Variants in SLC12A7 observed in about 807,000 individuals in gnomAD.
SLC12A7 encodes the protein K-Cl cotransporter 4.
A neutral mutation model predicts 120.6 loss-of-function variants in SLC12A7; 100 were observed. The ratio of observed to expected loss-of-function variants is 0.83; its 90% CI spans 0.71 to 0.98. The LOEUF is 0.98. Among genes scored for constraint, SLC12A7 ranks in the 50% least tolerant of loss-of-function variants. The pLI is 0.00. For synonymous variants in SLC12A7, 760 were observed against 678.0 expected, an observed-to-expected ratio of 1.12 and a Z score of -1.88; for missense variants, 1,373 against 1,548.1, an observed-to-expected ratio of 0.89 and a Z score of 1.90.
At chr5:1,154,506 T>C in the SLC12A7 span, among the ~76,000 whole-genome samples, 1 of 151,536 alleles carries the variant, frequency 6.6e-6, no homozygotes, top group Non-Finnish European at 1.5e-5. Flanking sequence ...ACTATAGACA[T>C]ATACACATAC....
the SLC12A7 span, among the ~76,000 whole-genome samples, chr5:1,155,643 C>T: frequency 0.22 from 32,741 of 151,212 alleles, 3,698 homozygotes; most frequent in East Asian, 0.27. Context: ...ACCTGCGCCC[C>T]TCGAGGGGAC....
intron 21 of SLC12A7, among the ~76,000 whole-genome samples, chr5:1,058,290 C>T (rs1561030090): frequency 6.6e-6 from 1 of 152,380 alleles, no homozygotes; most frequent in East Asian, 1.9e-4. Context: ...GCACCAATGG[C>T]GCAGCCCCTG....
rs1399752520 is a variant in SLC12A7, at chr5:1,054,202, T to TGGCC, written c.3027-724_3027-721dup. Among the ~76,000 whole-genome samples the TGGCC allele has an allele frequency of 3.9e-5, 6 of 152,332 alleles. No homozygotes were observed. In the East Asian group the frequency reaches 1.2e-3, roughly 29 times the overall value. On this transcript the variant is annotated intron_variant, in intron 22 of 23. Transcript: ENST00000264930. ...CTAAAGGACAAGCACTTCCACCGTG[T>TGGCC]GGCCGTCCAGCCCCCGCCTTCCGTC... is the stretch of plus-strand genomic sequence containing the variant.
chr5:1,080,356 C>T (rs147956566), intron 9 of SLC12A7, among the ~76,000 whole-genome samples: 1,797 of 152,080 alleles, frequency 0.012, 34 homozygotes, highest in Non-Finnish European at 0.019. Context: ...CGCACTCAGA[C>T]GGACGGGGGA....
chr5:1,104,985 T>G (rs542841851), intron 1 of SLC12A7, among the ~76,000 whole-genome samples: 34 of 144,934 alleles, frequency 2.3e-4, no homozygotes, highest in African/African-American at 8.4e-4. Context: ...CCCGCAGGGG[T>G]GAGGTCCTGC....
intron 17 of SLC12A7, among the ~76,000 whole-genome samples, chr5:1,066,954 C>T (rs560029566): frequency 6.6e-6 from 1 of 152,334 alleles, no homozygotes; most frequent in East Asian, 1.9e-4. Context: ...GGGATCAGAG[C>T]CACCACCTGC....
intron 1 of SLC12A7, among the ~76,000 whole-genome samples, chr5:1,101,590 TG>T (rs1742023791): frequency 6.6e-6 from 1 of 152,138 alleles, no homozygotes; most frequent in Admixed American, 6.5e-5. Context: ...CCTGAAGAAC[TG>T]GCCACAAGTC....
At chr5:1,115,834 G>A (rs1743296126), upstream of SLC12A7, among the ~76,000 whole-genome samples, 1 of 151,306 alleles carries the variant, frequency 6.6e-6, no homozygotes, top group Non-Finnish European at 1.5e-5. Flanking sequence ...GGGGAGGAAG[G>A]AGAATCGGGG....
intron 17 of SLC12A7, among the ~76,000 whole-genome samples, chr5:1,072,220 GC>G (rs1185400079): frequency 4.8e-3 from 1 of 208 alleles, no homozygotes. Flanking sequence ...CACTTATGCA[GC>G]CCCCAGTGAG....
At chr5:1,106,731 A>G (rs893213784) in intron 1 of SLC12A7, among the ~76,000 whole-genome samples, 1 of 152,250 alleles carries the variant, frequency 6.6e-6, no homozygotes, top group South Asian at 2.1e-4. Flanking sequence ...CTCGGGACCC[A>G]AACACACTAA....
the SLC12A7 span, among the ~76,000 whole-genome samples, chr5:1,149,753 G>T: frequency 2.6e-5 from 4 of 152,026 alleles, no homozygotes; most frequent in Non-Finnish European, 5.9e-5. Context: ...TTCAAGCCGG[G>T]TGCGGTGGTT....
At chr5:1,097,340 C>A (rs886897811) in intron 1 of SLC12A7, among the ~76,000 whole-genome samples, 2 of 152,192 alleles carry the variant, frequency 1.3e-5, no homozygotes, top group African/African-American at 4.8e-5. Flanking sequence ...CGCAGCGTCT[C>A]CTCTGCGCAG....
chr5:1,120,613 CACTAAGCAAAAG>C, the SLC12A7 span, among the ~76,000 whole-genome samples: 4 of 152,330 alleles, frequency 2.6e-5, no homozygotes, highest in South Asian at 6.2e-4. Context: ...AACACACAGA[CACTAAGCAAAAG>C]ACACACAAAG....
At chr5:1,075,633 G>T in intron 14 of SLC12A7, 143 bp from the exon 15 acceptor site, 1 of 1,311,630 alleles carries the variant, frequency 7.6e-7, no homozygotes, top group Non-Finnish European at 1.0e-6. Flanking sequence ...GACGACCATG[G>T]CTGTACTCAA....
intron 10 of SLC12A7, among the ~76,000 whole-genome samples, chr5:1,079,085 G>C (rs1056102004): frequency 1.3e-5 from 2 of 152,156 alleles, no homozygotes; most frequent in Non-Finnish European, 2.9e-5. Context: ...GCAGCCTTGG[G>C]ATTGAGAAGC....
chr5:1,053,519 T>G, intron 22 of SLC12A7, 37 bp from the exon 23 acceptor site: 1 of 1,605,984 alleles, frequency 6.2e-7, no homozygotes, highest in Non-Finnish European at 8.5e-7. Flanking sequence ...GGGCGGCGGG[T>G]GCACCCCACG....
At chr5:1,101,216 A>G (rs371171201) in intron 1 of SLC12A7, among the ~76,000 whole-genome samples, 2 of 152,216 alleles carry the variant, frequency 1.3e-5, no homozygotes, top group African/African-American at 4.8e-5. Context: ...GCACTGGGAC[A>G]GGGCCTTGGT....
intron 21 of SLC12A7, among the ~76,000 whole-genome samples, chr5:1,059,205 G>T (rs1400526245): frequency 1.3e-5 from 2 of 152,224 alleles, no homozygotes; most frequent in Non-Finnish European, 2.9e-5. Flanking sequence ...CAAGCTGGGC[G>T]GCCCCCCGTG....
At chr5:1,073,368 G>A (rs1372403939) in intron 17 of SLC12A7, among the ~76,000 whole-genome samples, 1 of 152,228 alleles carries the variant, frequency 6.6e-6, no homozygotes, top group African/African-American at 2.4e-5. Flanking sequence ...CTCTGGACGG[G>A]GCTCACCCAT....
Sources: gnomAD v4.1 joint callset for allele counts (sites outside exome capture counted in the v4.1 genomes callset) on GRCh38, gnomAD v4.1.1 for gene constraint, MANE v1.5 for transcripts, NCBI Gene and HGNC (gene_info 2026-07-23, HGNC 2026-07-21) for gene names.